The following KCNH8 variants were observed in gnomAD, a reference collection of about 807,000 sequenced individuals.
KCNH8 encodes the protein potassium voltage-gated channel subfamily H member 8, also known as voltage-gated delayed rectifier potassium channel KCNH8.
Under a neutral mutation model 103.6 loss-of-function variants are expected in KCNH8, and 70 were observed. The observed-to-expected ratio is 0.68, with a 90% CI of 0.56 to 0.82. The LOEUF is 0.82. Ranked by LOEUF, KCNH8 falls within the 40% of genes least tolerant of loss-of-function variation. The pLI is 0.00. For synonymous variants in KCNH8, 498 were observed against 489.4 expected, an observed-to-expected ratio of 1.02 and a Z score of -0.23; for missense variants, 1,217 against 1,329.9, an observed-to-expected ratio of 0.92 and a Z score of 1.32.
intron 3 of KCNH8, among the ~76,000 whole-genome samples, chr3:19,318,439 C>G (rs2065303483): frequency 6.6e-6 from 1 of 151,760 alleles, no homozygotes; most frequent in Non-Finnish European, 1.5e-5. Context: ...CACCCTGTCC[C>G]TCAAGTCCCC....
intron 11 of KCNH8, among the ~76,000 whole-genome samples, chr3:19,506,254 C>G (rs2068690675): frequency 6.6e-6 from 1 of 152,152 alleles, no homozygotes; most frequent in African/African-American, 2.4e-5. Flanking sequence ...TCCCAGAGTT[C>G]TTACGCTGGT....
chr3:19,485,902 C>A (rs572202933), intron 11 of KCNH8, among the ~76,000 whole-genome samples: 1 of 152,262 alleles, frequency 6.6e-6, no homozygotes, highest in Non-Finnish European at 1.5e-5. Context: ...GTTTAACAGG[C>A]CCTTTTTCTT....
At chr3:19,488,310 C>T (rs908151246) in intron 11 of KCNH8, among the ~76,000 whole-genome samples, 5 of 152,314 alleles carry the variant, frequency 3.3e-5, no homozygotes, top group South Asian at 4.1e-4. Flanking sequence ...TTAATGGCCG[C>T]GGCCAGTAAG....
At chr3:19,353,968 TG>T (rs1272354529) in intron 5 of KCNH8, among the ~76,000 whole-genome samples, 1 of 152,310 alleles carries the variant, frequency 6.6e-6, no homozygotes, top group East Asian at 1.9e-4. Flanking sequence ...GTGACATGAT[TG>T]TATACTTAGA....
At chr3:19,501,330 C>T (rs1163979821) in intron 11 of KCNH8, among the ~76,000 whole-genome samples, 6 of 152,118 alleles carry the variant, frequency 3.9e-5, no homozygotes, top group Non-Finnish European at 5.9e-5. Context: ...GATTCACAGC[C>T]GAATTCTACC....
chr3:19,239,672 A>G (rs2064112047), intron 1 of KCNH8, among the ~76,000 whole-genome samples: 1 of 151,894 alleles, frequency 6.6e-6, no homozygotes, highest in African/African-American at 2.4e-5. Context: ...CTATCTATCT[A>G]TCTATCTATC....
intron 1 of KCNH8, among the ~76,000 whole-genome samples, chr3:19,248,175 A>G (rs1271371480): frequency 6.6e-6 from 1 of 152,210 alleles, no homozygotes; most frequent in Non-Finnish European, 1.5e-5. Flanking sequence ...GCTTAGGGAT[A>G]TGCTTCTAGG....
At chr3:19,153,635 C>CT (rs773828081) in intron 1 of KCNH8, among the ~76,000 whole-genome samples, 6,288 of 128,882 alleles carry the variant, frequency 0.049, 227 homozygotes, top group East Asian at 0.15. Context: ...TTTCTTTTTT[C>CT]TTTTTTTTTT....
chr3:19,385,434 A>G (rs1438934260), intron 5 of KCNH8, among the ~76,000 whole-genome samples: 1 of 152,182 alleles, frequency 6.6e-6, no homozygotes, highest in East Asian at 1.9e-4. Flanking sequence ...GATACAAAGC[A>G]AAAGCCAATA....
At chr3:19,509,172 G>A (rs937149067) in intron 11 of KCNH8, among the ~76,000 whole-genome samples, 4 of 152,100 alleles carry the variant, frequency 2.6e-5, no homozygotes, top group Admixed American at 1.3e-4. Context: ...ATATTAAGGC[G>A]GCTAAGCAGA....
At chr3:19,467,623 A>G (rs1354156045) in intron 11 of KCNH8, among the ~76,000 whole-genome samples, 1 of 152,168 alleles carries the variant, frequency 6.6e-6, no homozygotes, top group African/African-American at 2.4e-5. Context: ...TGGTGGGAGT[A>G]GGAGCTGAAA....
chr3:19,475,667 TC>T (rs2067958971), intron 11 of KCNH8, among the ~76,000 whole-genome samples: 1 of 152,056 alleles, frequency 6.6e-6, no homozygotes, highest in Admixed American at 6.6e-5. Context: ...GAATAATTTC[TC>T]CCCCATGGAA....
At chr3:19,309,295 C>T (rs2065179952) in intron 3 of KCNH8, among the ~76,000 whole-genome samples, 1 of 151,856 alleles carries the variant, frequency 6.6e-6, no homozygotes, top group African/African-American at 2.4e-5. Flanking sequence ...AGTTAACTTC[C>T]ATTTTATGCA....
intron 3 of KCNH8, among the ~76,000 whole-genome samples, chr3:19,310,837 G>A (rs570578658): frequency 8.1e-4 from 123 of 151,880 alleles, no homozygotes; most frequent in Non-Finnish European, 1.4e-3. Flanking sequence ...AACATAAGGT[G>A]AAAAAATACA....
intron 11 of KCNH8, among the ~76,000 whole-genome samples, chr3:19,479,725 A>G (rs2068050410): frequency 1.3e-5 from 2 of 152,204 alleles, no homozygotes; most frequent in South Asian, 4.1e-4. Flanking sequence ...GATACTTATT[A>G]TGATTTTGCA....
intron 11 of KCNH8, among the ~76,000 whole-genome samples, chr3:19,484,394 G>A (rs1184459819): frequency 6.6e-6 from 1 of 152,122 alleles, no homozygotes. Context: ...TTTCATGCGG[G>A]GAAAATCAGT....
At chr3:19,213,784 T>C (rs781573796) in intron 1 of KCNH8, among the ~76,000 whole-genome samples, 3 of 152,144 alleles carry the variant, frequency 2.0e-5, no homozygotes, top group African/African-American at 7.2e-5. Flanking sequence ...AGAGGGACAA[T>C]AGAGGAGGAA....
In KCNH8 at chr3:19,456,150, T is replaced by C. The variant is rs147930176; in HGVS notation, c.1826-618T>C. Among the ~76,000 whole-genome samples the C allele has an allele frequency of 3.0e-3, 458 of 152,212 alleles. 3 individuals carry two copies. The highest frequency in any genetic ancestry group is 0.011 in the African/African-American group (447 of 41,570). ...TATAAATATAGATTTTAGTCTACTT[T>C]TTCTTCTACCAAAATAGGCTAAATT... On this transcript the variant is annotated intron_variant, in intron 10 of 15. Transcript: ENST00000328405.
intron 5 of KCNH8, among the ~76,000 whole-genome samples, chr3:19,380,915 G>A (rs1210293485): frequency 6.6e-6 from 1 of 152,090 alleles, no homozygotes; most frequent in African/African-American, 2.4e-5. Flanking sequence ...TCTACTGATG[G>A]CATTCATAAA....
Sources: allele counts gnomAD v4.1 joint callset (sites outside exome capture counted in the v4.1 genomes callset), GRCh38; gene constraint gnomAD v4.1.1; transcripts MANE v1.5; gene names NCBI Gene and HGNC (gene_info 2026-07-23, HGNC 2026-07-21).